The following HTR4 variants were observed in gnomAD, a reference collection of about 807,000 sequenced individuals.
HTR4 encodes the protein 5-hydroxytryptamine (serotonin) receptor 4, G protein-coupled.
HTR4 carries 16 observed loss-of-function variants against 36.8 expected under a neutral mutation model. That is an observed-to-expected ratio of 0.43 (90% CI 0.29 to 0.66). The LOEUF is 0.66. HTR4 is among the 30% of genes least tolerant of loss of function. The pLI is 0.13. For missense variants in HTR4, 438 were observed against 490.9 expected, an observed-to-expected ratio of 0.89 and a Z score of 1.02; for synonymous variants, 189 against 185.1, an observed-to-expected ratio of 1.02 and a Z score of -0.17.
chr5:148,650,852 C>A (rs151092378), intron 1 of HTR4, among the ~76,000 whole-genome samples: 1 of 152,140 alleles, frequency 6.6e-6, no homozygotes, highest in Non-Finnish European at 1.5e-5. Flanking sequence ...TAGTATCTAG[C>A]CTGTTTTCTA....
At chr5:148,615,678 A>G (rs1752642984) in intron 2 of HTR4, among the ~76,000 whole-genome samples, 2 of 150,562 alleles carry the variant, frequency 1.3e-5, no homozygotes, top group Non-Finnish European at 1.5e-5. Context: ...CTTAAAGTAT[A>G]ATAATTAAAA....
At chr5:148,617,275 AC>A (rs1361607744) in intron 2 of HTR4, among the ~76,000 whole-genome samples, 1 of 151,948 alleles carries the variant, frequency 6.6e-6, no homozygotes, top group East Asian at 1.9e-4. Flanking sequence ...CTTCTGCTTC[AC>A]CTTCTGCCAT....
At chr5:148,472,998 G>C (rs1755607888), downstream of HTR4, among the ~76,000 whole-genome samples, 2 of 152,118 alleles carry the variant, frequency 1.3e-5, no homozygotes, top group South Asian at 4.1e-4. Flanking sequence ...TCCAGATGTA[G>C]AGGGAAAAAA....
chr5:148,489,575 G>A (rs1053951176), intron 6 of HTR4, among the ~76,000 whole-genome samples: 1 of 152,170 alleles, frequency 6.6e-6, no homozygotes, highest in Non-Finnish European at 1.5e-5. Context: ...ACTCCTATTG[G>A]AACTGTGCCT....
chr5:148,478,383 G>T (rs1018322975), downstream of HTR4, among the ~76,000 whole-genome samples: 3 of 152,146 alleles, frequency 2.0e-5, no homozygotes, highest in African/African-American at 7.2e-5. Flanking sequence ...TCTGGTAGCA[G>T]GTACTTCACA....
chr5:148,500,027 A>G (rs1756866308), intron 6 of HTR4, among the ~76,000 whole-genome samples: 1 of 152,188 alleles, frequency 6.6e-6, no homozygotes, highest in Non-Finnish European at 1.5e-5. Context: ...TTAGACAAAT[A>G]AACCTCTTTT....
intron 1 of HTR4, among the ~76,000 whole-genome samples, chr5:148,638,786 A>G (rs10038880): frequency 0.48 from 73,365 of 151,952 alleles, 18,323 homozygotes; most frequent in African/African-American, 0.6. Flanking sequence ...CGGGGGCAGT[A>G]GCTCATGCCT....
chr5:148,471,761 G>A (rs1755573086), downstream of HTR4, among the ~76,000 whole-genome samples: 1 of 152,114 alleles, frequency 6.6e-6, no homozygotes. Context: ...TTTTATTTCA[G>A]GGAATAAATG....
chr5:148,609,836 G>A (rs1181754620), intron 2 of HTR4, among the ~76,000 whole-genome samples: 2 of 152,166 alleles, frequency 1.3e-5, no homozygotes, highest in African/African-American at 2.4e-5. Context: ...AAAGTACTGG[G>A]ATTACAGGCG....
intron 2 of HTR4, among the ~76,000 whole-genome samples, chr5:148,562,893 T>C (rs1760276922): frequency 6.6e-6 from 1 of 152,234 alleles, no homozygotes; most frequent in East Asian, 1.9e-4. Flanking sequence ...CATACCATTC[T>C]AGTTCCTACT....
intron 2 of HTR4, among the ~76,000 whole-genome samples, chr5:148,601,030 A>C (rs2127268705): frequency 6.6e-6 from 1 of 150,708 alleles, no homozygotes; most frequent in Non-Finnish European, 1.5e-5. Flanking sequence ...ACATTGGCTA[A>C]AGGATTTAAA....
intron 2 of HTR4, chr5:148,629,118 A>G (rs1397077112): frequency 6.6e-6 from 1 of 152,232 alleles, no homozygotes; most frequent in Non-Finnish European, 1.5e-5. Context: ...AAGATTGGTA[A>G]TAAAAGAAGC....
intron 2 of HTR4, among the ~76,000 whole-genome samples, chr5:148,633,023 C>A (rs1407188517): frequency 6.6e-6 from 1 of 151,990 alleles, no homozygotes; most frequent in Non-Finnish European, 1.5e-5. Context: ...AAAAAAAATG[C>A]AGCTGCCTCC....
chr5:148,490,127 A>G (rs1371064468), intron 6 of HTR4, among the ~76,000 whole-genome samples: 4 of 148,966 alleles, frequency 2.7e-5, no homozygotes, highest in Non-Finnish European at 4.4e-5. Flanking sequence ...ATGCAAATGT[A>G]TATATACATA....
chr5:148,453,106 C>T lies in HTR4; in HGVS notation c.1077-1834G>A, dbSNP rs917266888. 7.9e-5 allele frequency among the ~76,000 whole-genome samples: 12 copies of T among 152,282 alleles called. No homozygotes were observed. In the East Asian group the frequency reaches 1.4e-3, roughly 17 times the overall value. ...TTCTGTCTGCTGTGGTTCCTATATA[C>T]GTCATTCCTGGAATGCTTCTTTACC... On this transcript the variant is annotated intron_variant, in intron 5 of 5. Coordinates refer to the HTR4 transcript ENST00000521530.
At chr5:148,627,254 T>A (rs1753148079) in intron 2 of HTR4, among the ~76,000 whole-genome samples, 1 of 152,210 alleles carries the variant, frequency 6.6e-6, no homozygotes, top group Non-Finnish European at 1.5e-5. Flanking sequence ...GACTGATAGA[T>A]CGTATTTCTG....
intron 4 of HTR4, among the ~76,000 whole-genome samples, chr5:148,542,414 C>A (rs569440640): frequency 6.6e-4 from 100 of 152,258 alleles, no homozygotes; most frequent in African/African-American, 2.4e-3. Flanking sequence ...ACATTTATCT[C>A]CAGCACAAGA....
At chr5:148,635,319 T>C (rs1753493139) in intron 2 of HTR4, among the ~76,000 whole-genome samples, 1 of 152,090 alleles carries the variant, frequency 6.6e-6, no homozygotes, top group Non-Finnish European at 1.5e-5. Flanking sequence ...TGAGAGGACA[T>C]GAGGGAAAGT....
intron 4 of HTR4, among the ~76,000 whole-genome samples, chr5:148,532,110 A>G (rs932903818): frequency 6.6e-6 from 1 of 152,202 alleles, no homozygotes; most frequent in African/African-American, 2.4e-5. Flanking sequence ...TGTATGTGCT[A>G]TAACATGTCG....
Sources: allele counts gnomAD v4.1 joint callset (sites outside exome capture counted in the v4.1 genomes callset), GRCh38; gene constraint gnomAD v4.1.1; transcripts MANE v1.5; gene names NCBI Gene and HGNC (gene_info 2026-07-23, HGNC 2026-07-21).